The following ARRDC2 variants were observed in gnomAD, a reference collection of about 807,000 sequenced individuals.
ARRDC2 encodes the protein arrestin domain containing 2, also known as arrestin domain-containing protein 2.
ARRDC2 carries 39 observed loss-of-function variants against 38.9 expected under a neutral mutation model. The ratio of observed to expected loss-of-function variants is 1.00; its 90% CI spans 0.78 to 1.31. The LOEUF (loss-of-function observed/expected upper bound fraction) is 1.31, where lower values mean the gene tolerates loss of function less well. Among genes scored for constraint, ARRDC2 ranks in the 50% most tolerant of loss-of-function variants. The pLI is 0.00. For synonymous variants in ARRDC2, 300 were observed against 261.9 expected (o/e 1.15, Z -1.41); for missense variants, 553 against 588.4 (o/e 0.94, Z 0.62).
At position 18,001,560 on chromosome 19, in the gene ARRDC2, G is replaced by A. The variant is rs182672828; in HGVS notation, c.246G>A (p.Gln82=). The A allele has an allele frequency of 2.4e-5, 33 of 1,358,988 alleles. No individual in the cohort carries two copies. In the Admixed American group the frequency reaches 4.4e-4, roughly 18 times the overall value. The allele number at this position is 1,358,988 out of a possible 1,614,324, so 84.2% of individuals were successfully genotyped here. A position where few individuals can be genotyped will look rare whatever the true frequency, so the allele number is the denominator to read the frequency against. ...CGGAGACCTACCTGCGGCGTCGGCA[G>A]CTGCTGCTCCGAGGTGAGACACTCG... Residue 82 remains glutamine, a synonymous_variant, in exon 1 of 8, where the codon CAG becomes CAA. Coordinates refer to the ARRDC2 transcript ENST00000379656.
Position 18,009,117 on chromosome 19 carries a change from T to C in ARRDC2, c.488T>C (p.Leu163Pro). The stretch of plus-strand genomic sequence containing the variant: ...GTGGACATCAACACGCCAGCCCTGC[T>C]GGTGAGTGGCCACCCTTGGGGAGGT... ...EPVDINTPAL[L>P]APQAGAREKV... Residue 163 changes from leucine (L) to proline (P), a missense_variant and splice_region_variant, in exon 3 of 8, where the codon CTG becomes CCG. Transcript: ENST00000222250. 1 of 1,613,434 alleles carries C rather than the reference T, an allele frequency of 6.2e-7. No homozygotes were observed. The highest frequency in any genetic ancestry group is 8.5e-7 in the Non-Finnish European group (1 of 1,179,902).
chr19:18,008,260 CG>C lies in ARRDC2; in HGVS notation c.-50del. 1 of 1,565,164 alleles carries C rather than the reference CG, an allele frequency of 6.4e-7. No individual in the cohort carries two copies. Among genetic ancestry groups the C allele is most frequent in the East Asian group, 2.5e-5 (1 of 40,454 alleles). ...GCGTCGGCATCTTGAGCTGCCGGTTCGCGAGTTCGAGGCCAGGTTCCGCCTG... is the reference window on the plus strand; with the variant it reads ...GCGTCGGCATCTTGAGCTGCCGGTTCCGAGTTCGAGGCCAGGTTCCGCCTG... On this transcript the variant is annotated 5_prime_UTR_variant, in exon 1 of 8. Transcript: ENST00000222250.
intron 7 of ARRDC2, among the ~76,000 whole-genome samples, chr19:18,011,310 T>G (rs2033407446): frequency 6.6e-6 from 1 of 152,018 alleles, no homozygotes. Context: ...TTTTGTATTT[T>G]TTGTAGAAAT....
In ARRDC2 at chr19:18,010,188, T is replaced by A; in HGVS notation, c.850-8T>A. 6.2e-7 allele frequency: 1 copy of A among 1,611,314 alleles called. No individual in the cohort carries two copies. The highest frequency in any genetic ancestry group is 1.7e-5 in the Admixed American group (1 of 59,822). ...CTGGGCACCCTCCCTTATGGTTCCT[T>A]CCTCCAGGTCTGTGTGGATATCCCA... is the stretch of plus-strand genomic sequence containing the variant. On this transcript the variant is annotated splice_region_variant and splice_polypyrimidine_tract_variant and intron_variant, in intron 5 of 7. Transcript: ENST00000222250.
At chr19:18,010,788 G>A in intron 7 of ARRDC2, 59 bp downstream of exon 7, 1 of 1,563,716 alleles carries the variant, frequency 6.4e-7, no homozygotes, top group Non-Finnish European at 8.7e-7. Flanking sequence ...GCCTTGATGG[G>A]GTGGCAGACA....
At chr19:18,005,172 A>G (rs1049484231), upstream of ARRDC2, among the ~76,000 whole-genome samples, 11 of 151,826 alleles carry the variant, frequency 7.2e-5, no homozygotes, top group African/African-American at 2.7e-4. Flanking sequence ...GGTACTTGAG[A>G]TTAGGGAGTG....
At chr19:18,006,931 A>T (rs2033291467), upstream of ARRDC2, among the ~76,000 whole-genome samples, 1 of 152,150 alleles carries the variant, frequency 6.6e-6, no homozygotes, top group African/African-American at 2.4e-5. Flanking sequence ...TCAACTCCAA[A>T]GACCCATCCT....
chr19:18,009,190 C>T (rs2033351625), intron 3 of ARRDC2, 72 bp downstream of exon 3: 1 of 1,548,854 alleles, frequency 6.5e-7, no homozygotes, highest in Admixed American at 1.9e-5. Flanking sequence ...CTGGGCGACA[C>T]CAACCAATAA....
chr19:18,013,543 C>G lies in ARRDC2; in HGVS notation c.*577C>G, dbSNP rs2033453927. On this transcript the variant is annotated 3_prime_UTR_variant, in exon 8 of 8. Transcript: ENST00000222250. ...CAGGTGCCTCAGAGTTGAGGCCACACAGTGAGGTCTGGTGGGTGAAAGGAC... is the reference window on the plus strand; with the variant it reads ...CAGGTGCCTCAGAGTTGAGGCCACAGAGTGAGGTCTGGTGGGTGAAAGGAC... 6.6e-6 allele frequency: 1 copy of G among 152,602 alleles called. No individual in the cohort carries two copies. Among genetic ancestry groups the G allele is most frequent in the African/African-American group, 2.4e-5 (1 of 41,432 alleles). The allele number at this position is 152,602 out of a possible 1,614,324, so 9.5% of individuals were successfully genotyped here.
chr19:18,008,890 C>T, intron 2 of ARRDC2, 81 bp from the exon 3 acceptor site: 4 of 1,596,270 alleles, frequency 2.5e-6, no homozygotes, highest in Non-Finnish European at 3.4e-6. Flanking sequence ...CCCTGGGAGG[C>T]CCCCGGAGTG....
Position 18,008,237 on chromosome 19 carries a change from G to C in ARRDC2, c.-74G>C. 6.5e-7 allele frequency: 1 copy of C among 1,549,834 alleles called. No homozygotes were observed. Among genetic ancestry groups the C allele is most frequent in the Non-Finnish European group, 8.6e-7 (1 of 1,160,608 alleles). ...CGATTTTGCGTTCTGAGGCTGCAGC[G>C]TCGGCATCTTGAGCTGCCGGTTCGC... On this transcript the variant is annotated 5_prime_UTR_variant, in exon 1 of 8. Transcript: ENST00000222250.
At chr19:18,007,578 C>T (rs752959757), upstream of ARRDC2, 1 of 152,628 alleles carries the variant, frequency 6.6e-6, no homozygotes, top group African/African-American at 2.4e-5. Flanking sequence ...TTACTTTCTC[C>T]CGGCTCTACA....
upstream of ARRDC2, among the ~76,000 whole-genome samples, chr19:18,006,659 T>C (rs894179600): frequency 6.7e-6 from 1 of 148,158 alleles, no homozygotes; most frequent in Non-Finnish European, 1.5e-5. Context: ...AGAGGGAGCT[T>C]AAAAATTGTT....
At position 18,009,113 on chromosome 19, in the gene ARRDC2, C is replaced by A; in HGVS notation, c.484C>A (p.Leu162Met). ...GCCTGTGGACATCAACACGCCAGCCCTGCTGGTGAGTGGCCACCCTTGGGG... is the reference window on the plus strand; with the variant it reads ...GCCTGTGGACATCAACACGCCAGCCATGCTGGTGAGTGGCCACCCTTGGGG... ...IEPVDINTPALLAPQAGAREK... is the reference protein window; with the variant it reads ...IEPVDINTPAMLAPQAGAREK... Residue 162 changes from leucine to methionine, a missense_variant, in exon 3 of 8, where the codon CTG (leucine) becomes ATG (methionine). Leu to Met is a conservative substitution (Grantham distance 15). Around this residue, in one of 3 missense-constraint regions of ARRDC2, gnomAD observed 447 missense variants for 456.6 expected, o/e 0.98. Transcript: ENST00000222250. 6.2e-7 allele frequency: 1 copy of A among 1,613,490 alleles called. No individual in the cohort carries two copies. The highest frequency in any genetic ancestry group is 1.1e-5 in the South Asian group (1 of 91,082).
chr19:18,001,383 C>T (rs1431085893), exon 1 of ARRDC2: 3 of 1,209,598 alleles, frequency 2.5e-6, no homozygotes, highest in Non-Finnish European at 3.1e-6. Flanking sequence ...CCTACCGCGG[C>T]GGGGAGCGGC....
chr19:18,012,738 C>T (rs747363722), intron 7 of ARRDC2, among the ~76,000 whole-genome samples, 175 bp from the exon 8 acceptor site: 37 of 152,142 alleles, frequency 2.4e-4, no homozygotes, highest in South Asian at 4.1e-4. Context: ...TACCAAGGGA[C>T]GGTATACACT....
chr19:18,001,536 G>A (rs1316626362), exon 1 of ARRDC2: 5 of 1,387,982 alleles, frequency 3.6e-6, no homozygotes, highest in Non-Finnish European at 4.7e-6. Context: ...ACGCGGCCGC[G>A]GAGACCTACC....
rs1340271390 is a variant in ARRDC2, at chr19:18,008,333, C to T, written c.23C>T (p.Ala8Val). 2 of 1,596,754 alleles carry T rather than the reference C, an allele frequency of 1.3e-6. No individual in the cohort carries two copies. Among genetic ancestry groups the T allele is most frequent in the South Asian group, 2.2e-5 (2 of 90,998 alleles). Residue 8 changes from alanine to valine, a missense_variant, in exon 1 of 8, where the codon GCG becomes GTG. By Grantham distance (64) the Ala-to-Val change is moderately conservative (BLOSUM62 0). Coordinates refer to ENST00000222250, the MANE Select transcript of ARRDC2 (RefSeq NM_015683.2). ...GCGATGCTATTCGACAAGGTGAAAG[C>T]GTTCTCGGTGCAGTTGGACGGCGCG... MLFDKVK[A>V]FSVQLDGATA...
upstream of ARRDC2, chr19:18,008,115 G>GGGGGC: frequency 4.9e-6 from 4 of 810,032 alleles, no homozygotes; most frequent in Non-Finnish European, 6.8e-6. Context: ...AAGAGACGGT[G>GGGGGC]ACCCCACCCC....
Sources: allele counts gnomAD v4.1 joint callset (sites outside exome capture counted in the v4.1 genomes callset), GRCh38; gene constraint gnomAD v4.1.1; regional missense constraint gnomAD v4.1.1; transcripts MANE v1.5; gene names NCBI Gene and HGNC (gene_info 2026-07-23, HGNC 2026-07-21).